The following SAP130 variants were observed in gnomAD, a reference collection of about 807,000 sequenced individuals.
SAP130 encodes histone deacetylase complex subunit SAP130.
SAP130 carries 16 observed loss-of-function variants against 103.2 expected under a neutral mutation model. That is an observed-to-expected ratio of 0.16 (90% CI 0.10 to 0.24). SAP130 has a LOEUF of 0.24. Among genes scored for constraint, SAP130 ranks in the 10% least tolerant of loss-of-function variants. SAP130 has a pLI of 1.00. For synonymous variants in SAP130, 477 were observed against 497.0 expected (o/e 0.96, Z 0.53); for missense variants, 990 against 1,359.7 (o/e 0.73, Z 4.28).
At position 127,949,989 on chromosome 2, in the gene SAP130, C is replaced by T; in HGVS notation, c.2677G>A (p.Glu893Lys). 6.2e-7 allele frequency: 1 copy of T among 1,613,946 alleles called. No individual in the cohort carries two copies. Among genetic ancestry groups the T allele is most frequent in the Non-Finnish European group, 8.5e-7 (1 of 1,179,976 alleles). ...KSPPKEYIDEEGVRYVPVRPR... is the reference protein window; with the variant it reads ...KSPPKEYIDEKGVRYVPVRPR... Reference sequence around the variant, plus strand: ...CGCACTGGGACATATCTCACACCTTCCTCATCTGTTAAAGAGAAGACATTA... The same window carrying T: ...CGCACTGGGACATATCTCACACCTTTCTCATCTGTTAAAGAGAAGACATTA... The change falls in exon 18 of 21, where the codon GAA (glutamate) becomes AAA (lysine). Residue 893 changes from glutamate (E) to lysine (K), a missense_variant. Physicochemically the swap from Glu to Lys is moderately conservative, Grantham distance 56 (BLOSUM62 1). Around this residue, in one of 6 missense-constraint regions of SAP130, gnomAD observed 61 missense variants for 73.8 expected, o/e 0.83. Coordinates refer to ENST00000643581, the MANE Select transcript of SAP130 (RefSeq NM_001330301.2).
Position 127,941,674 on chromosome 2 carries a change from T to G in SAP130, c.*332A>C. The G allele has an allele frequency of 3.3e-6, 1 of 300,692 alleles. No homozygotes were observed. 18.6% of individuals were successfully genotyped at this position (300,692 alleles called of 1,614,324 possible). Reference sequence around the variant, plus strand: ...ATGGGGCCTGCAGGAATCCACTAGATAAATACAGTCTATAAACCGGAAGGC... The same window carrying G: ...ATGGGGCCTGCAGGAATCCACTAGAGAAATACAGTCTATAAACCGGAAGGC... On this transcript the variant is annotated 3_prime_UTR_variant, in exon 21 of 21. Transcript: ENST00000643581.
intron 15 of SAP130, among the ~76,000 whole-genome samples, chr2:127,965,158 A>T (rs1396446386): frequency 1.3e-5 from 2 of 151,968 alleles, no homozygotes; most frequent in African/African-American, 4.8e-5. Flanking sequence ...TTAGCTGGGC[A>T]TGGTGGTGTG....
intron 18 of SAP130, among the ~76,000 whole-genome samples, chr2:127,947,767 T>A (rs924652606): frequency 6.8e-6 from 1 of 147,142 alleles, no homozygotes; most frequent in African/African-American, 2.7e-5. Flanking sequence ...TGTGTGTCTG[T>A]GTGTGTGTGT....
At chr2:127,961,562 T>C (rs1680250832) in intron 15 of SAP130, among the ~76,000 whole-genome samples, 1 of 151,246 alleles carries the variant, frequency 6.6e-6, no homozygotes, top group Non-Finnish European at 1.5e-5. Flanking sequence ...TTTTGACTTG[T>C]AACCATATTT....
Position 127,996,551 on chromosome 2 carries a change from C to A in SAP130, c.1214-60G>T. On this transcript the variant is annotated intron_variant, in intron 10 of 20. Coordinates refer to ENST00000643581, the MANE Select transcript of SAP130 (RefSeq NM_001330301.2). This position sits in a 1 kb window ranked among gnomAD's most constrained non-coding sequence, Gnocchi z 4.3. Reference sequence around the variant, plus strand: ...TACACTTTTTTTTGGCATGCCAAAACATTCTTGGCTAGCAGCAATCTTAGG... The same window carrying A: ...TACACTTTTTTTTGGCATGCCAAAAAATTCTTGGCTAGCAGCAATCTTAGG... 1 of 1,381,470 alleles carries A rather than the reference C, an allele frequency of 7.2e-7. No individual in the cohort carries two copies. The highest frequency in any genetic ancestry group is 9.6e-7 in the Non-Finnish European group (1 of 1,044,446). The allele number at this position is 1,381,470 out of a possible 1,614,324, so 85.6% of individuals were successfully genotyped here.
At chr2:127,963,591 T>C (rs767426690) in intron 15 of SAP130, among the ~76,000 whole-genome samples, 7 of 152,214 alleles carry the variant, frequency 4.6e-5, no homozygotes, top group Non-Finnish European at 1.0e-4. Context: ...CATAATGTGT[T>C]ATGGTTTGGC....
At chr2:127,946,281 G>A (rs1278531370) in intron 18 of SAP130, among the ~76,000 whole-genome samples, 1 of 152,156 alleles carries the variant, frequency 6.6e-6, no homozygotes, top group Non-Finnish European at 1.5e-5. Context: ...GGGAATTGGG[G>A]GAGATTTGTG....
At chr2:127,943,596 C>G (rs974816576) in intron 19 of SAP130, among the ~76,000 whole-genome samples, 1 of 152,168 alleles carries the variant, frequency 6.6e-6, no homozygotes, top group African/African-American at 2.4e-5. Flanking sequence ...GAAACTGAAA[C>G]ACAGTGTTAA....
chr2:127,991,921 G>A (rs1246166750), intron 12 of SAP130, among the ~76,000 whole-genome samples: 3 of 152,172 alleles, frequency 2.0e-5, no homozygotes, highest in East Asian at 1.9e-4. Context: ...ATATAGCACC[G>A]TGTGGCAGGA....
At chr2:127,972,575 T>C (rs1301945871) in intron 15 of SAP130, among the ~76,000 whole-genome samples, 4 of 152,104 alleles carry the variant, frequency 2.6e-5, no homozygotes, top group Admixed American at 6.6e-5. Flanking sequence ...CTGGCCAACA[T>C]GGTGAAACTC....
In SAP130 at chr2:127,955,180, G is replaced by A. The variant is rs376315873; in HGVS notation, c.2228C>T (p.Pro743Leu). The A allele has an allele frequency of 4.0e-5, 64 of 1,614,032 alleles. No individual in the cohort carries two copies. The highest frequency in any genetic ancestry group is 2.2e-4 in the East Asian group (10 of 44,892). ...TGAAAGGGCAACGGCTGGTTGTGAC[G>A]GGGGACTGGCTGCTGCAATCATAGT... ...IPTMIAAASPPSQPAVALSTI... is the reference protein window; with the variant it reads ...IPTMIAAASPLSQPAVALSTI... The change falls in exon 16 of 21, where the codon CCG becomes CTG. Residue 743 changes from proline (P) to leucine (L), a missense_variant. This residue lies in a region of SAP130 where 349 missense variants were observed against 384.1 expected (regional missense o/e 0.91). Transcript: ENST00000643581. This position sits in a 1 kb window ranked among gnomAD's most constrained non-coding sequence, Gnocchi z 4.9.
chr2:127,978,298 G>A (rs943868665), intron 14 of SAP130, among the ~76,000 whole-genome samples: 35 of 150,662 alleles, frequency 2.3e-4, no homozygotes, highest in Non-Finnish European at 7.4e-5. Flanking sequence ...AAAAAAAAAA[G>A]AGCAGGTCCC....
chr2:127,949,935 G>C lies in SAP130; in HGVS notation c.2731C>G (p.His911Asp), dbSNP rs747664987. Reference sequence around the variant, plus strand: ...GCAGCTTTCCAGGGGTTCCGATAGTGACGAAGCAAAGTAATGGGGGGTCTT... The same window carrying C: ...GCAGCTTTCCAGGGGTTCCGATAGTCACGAAGCAAAGTAATGGGGGGTCTT... Reference protein sequence around the residue: ...RPRPPITLLRHYRNPWKAAYH... With the variant: ...RPRPPITLLRDYRNPWKAAYH... Residue 911 changes from histidine (H) to aspartate (D), a missense_variant, in exon 18 of 21, where the codon CAC (histidine) becomes GAC (aspartate). By Grantham distance (81) the His-to-Asp change is moderately conservative (BLOSUM62 -1). Transcript: ENST00000643581. 1 of 1,614,188 alleles carries C rather than the reference G, an allele frequency of 6.2e-7. No individual in the cohort carries two copies. Among genetic ancestry groups the C allele is most frequent in the Non-Finnish European group, 8.5e-7 (1 of 1,180,016 alleles).
chr2:128,016,300 G>T, intron 4 of SAP130, 89 bp downstream of exon 4: 1 of 1,318,314 alleles, frequency 7.6e-7, no homozygotes, highest in East Asian at 2.4e-5. Flanking sequence ...TTTTATTACC[G>T]TGACTAATGT....
chr2:127,985,947 AG>A (rs939840176), intron 14 of SAP130, among the ~76,000 whole-genome samples: 2 of 152,164 alleles, frequency 1.3e-5, no homozygotes, highest in African/African-American at 4.8e-5. Context: ...GCATGCCAGC[AG>A]GCCCCCGACC....
In SAP130 at chr2:127,950,147, C is replaced by T. The variant is rs1029241374; in HGVS notation, c.2671+13G>A. ...GGGAAGCATCATAACACAAGTCAGC[C>T]TGTGACCATTACCAATATACTCCTT... On this transcript the variant is annotated intron_variant, in intron 17 of 20. Coordinates refer to ENST00000643581, the MANE Select transcript of SAP130 (RefSeq NM_001330301.2). 6.2e-7 allele frequency: 1 copy of T among 1,614,004 alleles called. No individual in the cohort carries two copies. Among genetic ancestry groups the T allele is most frequent in the Admixed American group, 1.7e-5 (1 of 59,996 alleles).
At chr2:127,997,828 T>A (rs1573782212) in intron 10 of SAP130, among the ~76,000 whole-genome samples, 3 of 152,144 alleles carry the variant, frequency 2.0e-5, no homozygotes, top group Admixed American at 2.0e-4. Context: ...TAAAAAGCCA[T>A]AAAGGCTGGA....
chr2:127,959,434 C>T (rs1680081303), intron 15 of SAP130, among the ~76,000 whole-genome samples: 3 of 152,204 alleles, frequency 2.0e-5, no homozygotes, highest in Admixed American at 2.0e-4. Context: ...CTAGACTTAC[C>T]CGGCCAGGTT....
At chr2:128,012,861 C>T (rs1684500603) in intron 6 of SAP130, among the ~76,000 whole-genome samples, 169 bp downstream of exon 6, 1 of 150,860 alleles carries the variant, frequency 6.6e-6, no homozygotes, top group Non-Finnish European at 1.5e-5. Context: ...GGCTTCCCAC[C>T]ATCTCTCCTC....
Sources: allele counts gnomAD v4.1 joint callset (sites outside exome capture counted in the v4.1 genomes callset), GRCh38; gene constraint gnomAD v4.1.1; regional missense constraint gnomAD v4.1.1; non-coding constraint Gnocchi (gnomAD v3.1); transcripts MANE v1.5; gene names NCBI Gene and HGNC (gene_info 2026-07-23, HGNC 2026-07-21).